ROBO2: variants seen among roughly 807,000 people sequenced by gnomAD.
ROBO2 encodes roundabout guidance receptor 2.
Under a neutral mutation model 160.8 loss-of-function variants are expected in ROBO2, and 53 were observed. That is an observed-to-expected ratio of 0.33 (90% CI 0.26 to 0.41). ROBO2 has a LOEUF of 0.41. Ranked by LOEUF, ROBO2 falls within the 10% of genes least tolerant of loss-of-function variation. The probability of loss-of-function intolerance (pLI) is 1.00; values close to 1 mark genes in which losing one functional copy is unlikely to be tolerated. For missense variants in ROBO2, 1,577 were observed against 1,722.4 expected (o/e 0.92, Z 1.49); for synonymous variants, 664 against 611.7 (o/e 1.09, Z -1.26).
At chr3:77,138,666 C>T (rs2076467565) in intron 2 of ROBO2, among the ~76,000 whole-genome samples, 1 of 139,284 alleles carries the variant, frequency 7.2e-6, no homozygotes, top group Admixed American at 7.3e-5. Flanking sequence ...CCTGTTTATC[C>T]CTTGTTTAAT....
intron 2 of ROBO2, among the ~76,000 whole-genome samples, chr3:76,288,629 C>T (rs552370567): frequency 2.0e-5 from 3 of 152,140 alleles, no homozygotes; most frequent in African/African-American, 4.8e-5. Flanking sequence ...TTTCAATCTT[C>T]GCTCTCATCC....
At chr3:77,516,138 G>A (rs1325350488) in intron 5 of ROBO2, among the ~76,000 whole-genome samples, 1 of 151,482 alleles carries the variant, frequency 6.6e-6, no homozygotes, top group African/African-American at 2.4e-5. Flanking sequence ...CTTTGAAATT[G>A]TTATTTTTAC....
chr3:76,665,999 T>TATATAATATATACATATTATATAC (rs2092023059), intron 2 of ROBO2, among the ~76,000 whole-genome samples: 1 of 122,696 alleles, frequency 8.2e-6, no homozygotes, highest in South Asian at 2.3e-4. Flanking sequence ...ATATATATAA[T>TATATAATATATACATATTATATAC]ATATAATATA....
At chr3:76,671,238 A>G (rs2092251978) in intron 2 of ROBO2, among the ~76,000 whole-genome samples, 1 of 152,126 alleles carries the variant, frequency 6.6e-6, no homozygotes, top group Non-Finnish European at 1.5e-5. Context: ...AAGACATTAT[A>G]TTAGACATAT....
At chr3:76,668,911 G>A (rs1296089830) in intron 2 of ROBO2, among the ~76,000 whole-genome samples, 1 of 152,118 alleles carries the variant, frequency 6.6e-6, no homozygotes, top group Non-Finnish European at 1.5e-5. Context: ...TTCTTTGGAG[G>A]AAGAGGATGG....
At chr3:77,640,007 A>G (rs1212649417) in intron 24 of ROBO2, among the ~76,000 whole-genome samples, 2 of 152,008 alleles carry the variant, frequency 1.3e-5, no homozygotes, top group African/African-American at 2.4e-5. Flanking sequence ...CATAGGCCAT[A>G]AAGAAAGCAA....
rs114762756 is a variant in ROBO2, at chr3:76,777,450, G to C, written c.110-320564G>C. The stretch of plus-strand genomic sequence containing the variant: ...AAATGGCTTTAATTTTAAAATACTA[G>C]TTAGTGCATATGAGATTTCTGCTGA... On this transcript the variant is annotated intron_variant, in intron 2 of 26. Coordinates refer to the ROBO2 transcript ENST00000487694. Among the ~76,000 whole-genome samples the C allele has an allele frequency of 3.3e-3, 501 of 151,116 alleles. 3 individuals are homozygous for C. Among genetic ancestry groups the C allele is most frequent in the African/African-American group, 0.011 (441 of 41,358 alleles).
intron 2 of ROBO2, among the ~76,000 whole-genome samples, chr3:77,162,634 G>A (rs569838035): frequency 1.5e-4 from 23 of 152,216 alleles, no homozygotes; most frequent in Admixed American, 7.2e-4. Flanking sequence ...ATATGGCTAA[G>A]GACATGAAGA....
chr3:75,980,902 G>T (rs975788855), intron 2 of ROBO2, among the ~76,000 whole-genome samples: 14 of 60,232 alleles, frequency 2.3e-4, no homozygotes, highest in African/African-American at 5.1e-4. Context: ...GATACACATT[G>T]ATGTTAAAAT....
chr3:76,725,241 T>A (rs893529853), intron 2 of ROBO2, among the ~76,000 whole-genome samples: 6 of 152,162 alleles, frequency 3.9e-5, no homozygotes, highest in African/African-American at 7.2e-5. Context: ...AAATATTTTT[T>A]AATTTTTATC....
chr3:77,323,877 A>G (rs756906165), intron 2 of ROBO2, among the ~76,000 whole-genome samples: 2 of 152,128 alleles, frequency 1.3e-5, no homozygotes, highest in Non-Finnish European at 2.9e-5. Context: ...ATTTAAAAAT[A>G]TTTTTGTTCA....
At chr3:76,226,618 A>G (rs1024838218) in intron 2 of ROBO2, among the ~76,000 whole-genome samples, 8 of 152,168 alleles carry the variant, frequency 5.3e-5, no homozygotes, top group African/African-American at 1.9e-4. Flanking sequence ...TTAGATTATC[A>G]TGAATCTCAA....
At chr3:76,258,590 G>C (rs1184200479) in intron 2 of ROBO2, among the ~76,000 whole-genome samples, 1 of 151,752 alleles carries the variant, frequency 6.6e-6, no homozygotes, top group Non-Finnish European at 1.5e-5. Flanking sequence ...TAAATATCTG[G>C]TTTCTTTCAT....
rs528515162 is a variant in ROBO2, at chr3:76,920,295, T to C, written c.110-177719T>C. 9.2e-5 allele frequency among the ~76,000 whole-genome samples: 14 copies of C among 152,292 alleles called. No homozygotes were observed. In the East Asian group the frequency reaches 2.7e-3, roughly 29 times the overall value. On this transcript the variant is annotated intron_variant, in intron 2 of 26. Coordinates refer to the ROBO2 transcript ENST00000487694. ...GAATAAAAACTCACCTTTATTAGCT[T>C]ATTCATAAAACAGTCTCTAAAGCAG...
At chr3:76,974,985 A>G (rs145258237) in intron 2 of ROBO2, among the ~76,000 whole-genome samples, 1 of 152,336 alleles carries the variant, frequency 6.6e-6, no homozygotes. Flanking sequence ...TATGATAATA[A>G]TAATACACTC....
chr3:76,086,138 C>T (rs1175910053), intron 2 of ROBO2, among the ~76,000 whole-genome samples: 2 of 152,076 alleles, frequency 1.3e-5, no homozygotes, highest in African/African-American at 2.4e-5. Context: ...GTTTAATTGA[C>T]TCACAGTACG....
chr3:76,355,668 T>C (rs993200760), intron 2 of ROBO2, among the ~76,000 whole-genome samples: 34 of 151,800 alleles, frequency 2.2e-4, no homozygotes, highest in African/African-American at 7.5e-4. Context: ...CTGAGATGAC[T>C]GGATAAATAA....
chr3:77,606,837 T>C (rs1243085621), intron 20 of ROBO2, among the ~76,000 whole-genome samples: 1 of 152,196 alleles, frequency 6.6e-6, no homozygotes, highest in Non-Finnish European at 1.5e-5. Context: ...TTTTGGCAGA[T>C]ATTGCTGTAG....
At chr3:76,623,228 T>C (rs1215516845) in intron 2 of ROBO2, among the ~76,000 whole-genome samples, 1 of 152,186 alleles carries the variant, frequency 6.6e-6, no homozygotes. Flanking sequence ...CACAAAATGC[T>C]AGAGAAACAC....
Sources: allele counts gnomAD v4.1 joint callset (sites outside exome capture counted in the v4.1 genomes callset), GRCh38; gene constraint gnomAD v4.1.1; transcripts MANE v1.5; gene names NCBI Gene and HGNC (gene_info 2026-07-23, HGNC 2026-07-21).